The following CCDC18 variants were observed in gnomAD, a reference collection of about 807,000 sequenced individuals.
The protein encoded by CCDC18 is coiled-coil domain containing 18.
CCDC18 carries 157 observed loss-of-function variants against 196.0 expected under a neutral mutation model. The ratio of observed to expected loss-of-function variants is 0.80; its 90% CI spans 0.70 to 0.91. The LOEUF is 0.91. CCDC18 is among the 40% of genes least tolerant of loss of function. The pLI is 0.00. For missense variants in CCDC18, 1,465 were observed against 1,611.6 expected, an observed-to-expected ratio of 0.91 and a Z score of 1.56; for synonymous variants, 482 against 529.2, an observed-to-expected ratio of 0.91 and a Z score of 1.22.
chr1:93,239,255 C>A, intron 19 of CCDC18, 55 bp from the exon 20 acceptor site: 1 of 1,312,832 alleles, frequency 7.6e-7, no homozygotes. Flanking sequence ...TAGTCAGAGA[C>A]AAGTTAGTTG....
At chr1:93,261,308 A>T (rs979894724) in intron 26 of CCDC18, among the ~76,000 whole-genome samples, 3 of 152,146 alleles carry the variant, frequency 2.0e-5, no homozygotes, top group African/African-American at 7.2e-5. Context: ...AAATATATTT[A>T]AAAATAGAAT....
rs767802440 is a variant in CCDC18 at position 93,180,776 on chromosome 1, G to A, written c.-79G>A. 4 of 1,367,584 alleles carry A rather than the reference G, an allele frequency of 2.9e-6. No homozygotes were observed. The East Asian group carries it at 1.8e-4, about 62-fold the overall frequency. 84.7% of individuals were successfully genotyped at this position (1,367,584 alleles called of 1,614,324 possible). ...GCTGGTTCTCCGAGTTGTGTCCGAG[G>A]CTTCCACGCGCAGGGGCCCGGGAAA... On this transcript the variant is annotated 5_prime_UTR_variant, in exon 1 of 29. Transcript: ENST00000690025.
intron 21 of CCDC18, among the ~76,000 whole-genome samples, chr1:93,244,704 A>T (rs1238402976): frequency 6.6e-6 from 1 of 152,186 alleles, no homozygotes; most frequent in Non-Finnish European, 1.5e-5. Flanking sequence ...AATGGTTAAA[A>T]TGGTAAATTT....
At chr1:93,206,305 G>A (rs1032848670) in intron 8 of CCDC18, among the ~76,000 whole-genome samples, 1 of 152,030 alleles carries the variant, frequency 6.6e-6, no homozygotes, top group Admixed American at 6.6e-5. Context: ...TTTTACTAGA[G>A]TATTTTTTAG....
In CCDC18 at chr1:93,270,379, T is replaced by G; in HGVS notation, c.3918T>G (p.Ile1306Met). The G allele has an allele frequency of 6.5e-7, 1 of 1,549,278 alleles. No individual in the cohort carries two copies. Among genetic ancestry groups the G allele is most frequent in the Non-Finnish European group, 8.7e-7 (1 of 1,146,066 alleles). The change falls in exon 28 of 29, where the codon ATT (isoleucine) becomes ATG (methionine). Residue 1306 changes from isoleucine (I) to methionine (M), a missense_variant. Coordinates refer to ENST00000690025, the MANE Select transcript of CCDC18 (RefSeq NM_001378204.1). ...ESELTRLQAK[I>M]SGHEKAEDIK... is the part of the protein sequence containing the mutation. ...AATTAACCAGATTACAGGCCAAAAT[T>G]TCTGGACATGAAAAGGCAGAAGACA... is the stretch of plus-strand genomic sequence containing the variant.
At chr1:93,247,120 A>T (rs1661588129) in intron 23 of CCDC18, among the ~76,000 whole-genome samples, 166 bp downstream of exon 23, 1 of 152,018 alleles carries the variant, frequency 6.6e-6, no homozygotes, top group Non-Finnish European at 1.5e-5. Context: ...GAGCAGTGAC[A>T]CGTGATCATA....
intron 28 of CCDC18, among the ~76,000 whole-genome samples, chr1:93,276,417 G>C (rs1385811047): frequency 2.0e-5 from 3 of 152,152 alleles, no homozygotes; most frequent in Admixed American, 6.5e-5. Context: ...TTTTGGATTA[G>C]AGCAGTGGAA....
At chr1:93,263,839 A>T (rs1188336407) in intron 26 of CCDC18, among the ~76,000 whole-genome samples, 1 of 152,156 alleles carries the variant, frequency 6.6e-6, no homozygotes, top group Non-Finnish European at 1.5e-5. Flanking sequence ...TGCTATAAAA[A>T]CTGTGAGTCA....
chr1:93,210,803 TA>T lies in CCDC18; in HGVS notation c.1216del (p.Arg406GlufsTer15). 1 of 1,592,430 alleles carries T rather than the reference TA, an allele frequency of 6.3e-7. No individual in the cohort carries two copies. The highest frequency in any genetic ancestry group is 8.6e-7 in the Non-Finnish European group (1 of 1,161,322). ...SLEKIISQLP[L>X]KRELFGFKSY... ...ATATGTTTGTTTTTAAACTTGCAGT[TA>T]AAAAGAGAATTATTTGGCTTTAAAT... On this transcript the variant is annotated frameshift_variant and splice_region_variant, in exon 10 of 29. Coordinates refer to ENST00000690025, the MANE Select transcript of CCDC18 (RefSeq NM_001378204.1). LOFTEE classifies it high-confidence loss of function.
chr1:93,213,296 G>T (rs1346223902), intron 11 of CCDC18, among the ~76,000 whole-genome samples: 2 of 151,994 alleles, frequency 1.3e-5, no homozygotes, highest in South Asian at 2.1e-4. Context: ...TTTGTCAGGT[G>T]TTTGTGTTTT....
At chr1:93,267,706 A>G (rs972708303) in intron 27 of CCDC18, among the ~76,000 whole-genome samples, 1 of 152,330 alleles carries the variant, frequency 6.6e-6, no homozygotes, top group East Asian at 1.9e-4. Flanking sequence ...AAAGAGAATA[A>G]AATACCTAGG....
At chr1:93,273,483 T>C (rs1469181089) in intron 28 of CCDC18, 1 of 152,012 alleles carries the variant, frequency 6.6e-6, no homozygotes, top group African/African-American at 2.4e-5. Context: ...CTTTGGAGAG[T>C]AGGAAAGCAT....
In CCDC18 at chr1:93,269,390, C is replaced by T. The variant is rs534641229; in HGVS notation, c.3886-957C>T. 3.4e-5 allele frequency among the ~76,000 whole-genome samples: 5 copies of T among 149,126 alleles called. No individual in the cohort carries two copies. The East Asian group carries it at 5.9e-4, about 18-fold the overall frequency. On this transcript the variant is annotated intron_variant, in intron 27 of 28. Transcript: ENST00000690025. Reference sequence around the variant, plus strand: ...TGTATACATATGTAACAAACCTGCACGTTGAGTACATGTACCCTAGAACTT... The same window carrying T: ...TGTATACATATGTAACAAACCTGCATGTTGAGTACATGTACCCTAGAACTT...
At chr1:93,196,139 A>G (rs1027177205) in intron 6 of CCDC18, among the ~76,000 whole-genome samples, 6 of 152,162 alleles carry the variant, frequency 3.9e-5, no homozygotes, top group African/African-American at 1.4e-4. Context: ...CCCGGGCAAC[A>G]TGGTGAAACC....
chr1:93,202,812 A>G (rs1328820291), intron 7 of CCDC18, among the ~76,000 whole-genome samples: 1 of 152,210 alleles, frequency 6.6e-6, no homozygotes, highest in African/African-American at 2.4e-5. Flanking sequence ...AGTAAGATTG[A>G]CAAGTATGTA....
chr1:93,217,864 G>C lies in CCDC18; in HGVS notation c.1957G>C (p.Glu653Gln), dbSNP rs1045270719. ...GCATAAAGAAATGGAAAAGCAGATTGAAAGAGTAAGTAATACATATTTAGA... is the reference window on the plus strand; with the variant it reads ...GCATAAAGAAATGGAAAAGCAGATTCAAAGAGTAAGTAATACATATTTAGA... ...EQHKEMEKQI[E>Q]RLEAQLEKKD... is the part of the protein sequence containing the mutation. Residue 653 changes from glutamate to glutamine, a missense_variant, in exon 14 of 29, where the codon GAA (glutamate) becomes CAA (glutamine). By Grantham distance (29) the Glu-to-Gln change is conservative. Coordinates refer to ENST00000690025, the MANE Select transcript of CCDC18 (RefSeq NM_001378204.1). The C allele has an allele frequency of 2.5e-6, 4 of 1,608,410 alleles. No homozygotes were observed. Among genetic ancestry groups the C allele is most frequent in the African/African-American group, 1.3e-5 (1 of 74,480 alleles).
At chr1:93,207,459 C>T in intron 9 of CCDC18, 61 bp downstream of exon 9, 3 of 1,277,342 alleles carry the variant, frequency 2.3e-6, no homozygotes, top group South Asian at 3.3e-5. Flanking sequence ...TTAGAAAAGA[C>T]TATCATTTTG....
chr1:93,180,115 C>T (rs1038063930), upstream of CCDC18: 1 of 1,613,748 alleles, frequency 6.2e-7, no homozygotes, highest in Non-Finnish European at 8.5e-7. Flanking sequence ...CTCCTTCTGG[C>T]CGGCGGGAAG....
At position 93,207,281 on chromosome 1, in the gene CCDC18, C is replaced by A; in HGVS notation, c.1092C>A (p.Asn364Lys). ...ACAAATTTTCTTTAATGAATGAAAA[C>A]CGAGAATTAAAGGTCCGTGTTGCAG... ...LRDKFSLMNE[N>K]RELKVRVAAQ... Residue 364 changes from asparagine (N) to lysine (K), a missense_variant, in exon 9 of 29, where the codon AAC becomes AAA. Transcript: ENST00000690025. 1 of 1,613,242 alleles carries A rather than the reference C, an allele frequency of 6.2e-7. No individual in the cohort carries two copies. The highest frequency in any genetic ancestry group is 8.5e-7 in the Non-Finnish European group (1 of 1,179,524).
Sources: gnomAD v4.1 joint callset for allele counts (sites outside exome capture counted in the v4.1 genomes callset) on GRCh38, gnomAD v4.1.1 for gene constraint, MANE v1.5 for transcripts, NCBI Gene and HGNC (gene_info 2026-07-23, HGNC 2026-07-21) for gene names.